FAM89A: variants seen among roughly 807,000 people sequenced by gnomAD.
FAM89A encodes family with sequence similarity 89 member A, also known as protein FAM89A.
FAM89A carries 10 observed loss-of-function variants against 7.1 expected under a neutral mutation model. The ratio of observed to expected loss-of-function variants is 1.40; its 90% confidence interval spans 0.86 to 2.38. FAM89A has a LOEUF of 2.38. Ranked by LOEUF, FAM89A falls within the 30% of genes most tolerant of loss-of-function variation. The probability of loss-of-function intolerance (pLI) is 0.00; values close to 1 mark genes in which losing one functional copy is unlikely to be tolerated. For synonymous variants in FAM89A, 157 were observed against 129.3 expected, an observed-to-expected ratio of 1.21 and a Z score of -1.45; for missense variants, 276 against 262.8, an observed-to-expected ratio of 1.05 and a Z score of -0.35.
chr1:231,029,435 T>C (rs953121328), intron 1 of FAM89A, among the ~76,000 whole-genome samples: 5 of 151,692 alleles, frequency 3.3e-5, no homozygotes, highest in African/African-American at 7.3e-5. Context: ...GAGGCTGCAG[T>C]GCGCTGTGAT....
intron 1 of FAM89A, among the ~76,000 whole-genome samples, chr1:231,031,257 G>A (rs1680063739): frequency 6.6e-6 from 1 of 152,124 alleles, no homozygotes; most frequent in Non-Finnish European, 1.5e-5. Context: ...AGAAAATCTG[G>A]CCTCATACAG....
intron 1 of FAM89A, among the ~76,000 whole-genome samples, chr1:231,029,995 G>C (rs2103074098): frequency 6.6e-6 from 1 of 152,338 alleles, no homozygotes; most frequent in East Asian, 1.9e-4. Context: ...AAGCCGAAGA[G>C]AGACTTCATC....
At chr1:231,027,103 G>A (rs1679988337) in intron 1 of FAM89A, among the ~76,000 whole-genome samples, 1 of 152,146 alleles carries the variant, frequency 6.6e-6, no homozygotes, top group African/African-American at 2.4e-5. Context: ...GGTAAACACA[G>A]GAGCCTGAAC....
At chr1:231,036,083 G>A (rs1253261521) in intron 1 of FAM89A, among the ~76,000 whole-genome samples, 1 of 152,212 alleles carries the variant, frequency 6.6e-6, no homozygotes, top group Non-Finnish European at 1.5e-5. Context: ...CAGAGGAGGA[G>A]GGGAAGAGAA....
chr1:231,036,308 C>T (rs1025000934), intron 1 of FAM89A, among the ~76,000 whole-genome samples: 4 of 152,152 alleles, frequency 2.6e-5, no homozygotes, highest in African/African-American at 9.7e-5. Flanking sequence ...TGATAAGCCC[C>T]TTAACATCTA....
Position 231,040,202 on chromosome 1 carries a change from C to A in FAM89A, c.10G>T (p.Ala4Ser), listed in dbSNP as rs940779647. The change falls in exon 1 of 2, where the codon GCC becomes TCC. Residue 4 changes from alanine (A) to serine (S), a missense_variant. Coordinates refer to ENST00000366654, the MANE Select transcript of FAM89A (RefSeq NM_198552.3). MSG[A>S]RAAPGAAGNG... ...CCCGCGGCCCCGGGCGCCGCCCGGG[C>A]CCCACTCATCGCGCCGCGGCCCGGC... 1 of 1,085,666 alleles carries A rather than the reference C, an allele frequency of 9.2e-7. No individual in the cohort carries two copies. Among genetic ancestry groups the A allele is most frequent in the Non-Finnish European group, 1.1e-6 (1 of 897,076 alleles). 67.3% of individuals were successfully genotyped at this position (1,085,666 alleles called of 1,614,324 possible).
chr1:231,021,862 C>G (rs1679884959), intron 1 of FAM89A: 1 of 1,591,168 alleles, frequency 6.3e-7, no homozygotes, highest in South Asian at 1.1e-5. Context: ...GGAGGCTGCC[C>G]CAGGACCATG....
intron 1 of FAM89A, 89 bp downstream of exon 1, chr1:231,039,832 G>A (rs1211185368): frequency 5.4e-5 from 65 of 1,202,230 alleles, no homozygotes; most frequent in Middle Eastern, 6.4e-4. Context: ...GTGGGCGCGG[G>A]GACTTCCGGA....
intron 1 of FAM89A, chr1:231,021,589 A>G (rs981182293): frequency 2.4e-5 from 33 of 1,369,922 alleles, no homozygotes; most frequent in Non-Finnish European, 3.4e-5. Flanking sequence ...CTGTTAGGAA[A>G]CGAAAGGCAC....
At chr1:231,026,349 A>G (rs1679969834) in intron 1 of FAM89A, 1 of 152,472 alleles carries the variant, frequency 6.6e-6, no homozygotes, top group East Asian at 1.9e-4. Context: ...CTGCCTCATG[A>G]GGAAGGGAAA....
At chr1:231,034,350 C>A (rs1680123815) in intron 1 of FAM89A, among the ~76,000 whole-genome samples, 1 of 152,146 alleles carries the variant, frequency 6.6e-6, no homozygotes, top group African/African-American at 2.4e-5. Context: ...TCTCATTTTC[C>A]CAATAAGAGA....
chr1:231,040,250 G>T lies in FAM89A; in HGVS notation c.-39C>A, dbSNP rs1305855312. 9.8e-7 allele frequency: 1 copy of T among 1,024,798 alleles called. No homozygotes were observed. Among genetic ancestry groups the T allele is most frequent in the South Asian group, 4.5e-5 (1 of 22,388 alleles). 63.5% of individuals were successfully genotyped at this position (1,024,798 alleles called of 1,614,324 possible). On this transcript the variant is annotated 5_prime_UTR_variant, in exon 1 of 2. Transcript: ENST00000366654. Reference sequence around the variant, plus strand: ...GGCCACGCGCCTGCCCCGCTGCAGCGAACCAAGGCTTTCCCCCGGCCCGCC... The same window carrying T: ...GGCCACGCGCCTGCCCCGCTGCAGCTAACCAAGGCTTTCCCCCGGCCCGCC...
At position 231,040,006 on chromosome 1, in the gene FAM89A, G is replaced by A. The variant is rs1314517064; in HGVS notation, c.206C>T (p.Pro69Leu). 5.7e-6 allele frequency: 8 copies of A among 1,409,172 alleles called. No individual in the cohort carries two copies. Among genetic ancestry groups the A allele is most frequent in the East Asian group, 3.1e-5 (1 of 32,362 alleles). 87.3% of individuals were successfully genotyped at this position (1,409,172 alleles called of 1,614,324 possible). Residue 69 changes from proline (P) to leucine (L), a missense_variant, in exon 1 of 2, where the codon CCG becomes CTG. By Grantham distance (98) the Pro-to-Leu change is moderately conservative. Coordinates refer to ENST00000366654, the MANE Select transcript of FAM89A (RefSeq NM_198552.3). ...RIQDELSRGG[P>L]GGGGARAAAL... ...TGCCGCCCGGGCCCCGCCGCCGCCC[G>A]GGCCCCCGCGGCTCAGCTCGTCCTG...
chr1:231,021,938 AC>A, intron 1 of FAM89A: 1 of 1,453,792 alleles, frequency 6.9e-7, no homozygotes, highest in Non-Finnish European at 9.7e-7. Flanking sequence ...GTATGTGACT[AC>A]CCACACTTCC....
intron 1 of FAM89A, among the ~76,000 whole-genome samples, chr1:231,025,362 A>G (rs541856891): frequency 5.9e-5 from 9 of 152,172 alleles, no homozygotes; most frequent in Non-Finnish European, 1.3e-4. Context: ...CAGCCTATAA[A>G]ATGGGGGATT....
In FAM89A at chr1:231,040,128, T is replaced by G; in HGVS notation, c.84A>C (p.Pro28=). 1 of 1,376,802 alleles carries G rather than the reference T, an allele frequency of 7.3e-7. No individual in the cohort carries two copies. Among genetic ancestry groups the G allele is most frequent in the Non-Finnish European group, 9.4e-7 (1 of 1,059,848 alleles). The allele number at this position is 1,376,802 out of a possible 1,614,324, so 85.3% of individuals were successfully genotyped here. ...GLRVDGLPPL[P]KSLSGLLHSA... ...AGTGCAGCAGCCCGCTCAAGCTCTT[T>G]GGCAGCGGGGGCAGCCCGTCCACCC... Residue 28 remains proline (P), a synonymous_variant, in exon 1 of 2, where the codon CCA becomes CCC. Transcript: ENST00000366654.
At chr1:231,037,805 C>T (rs1457965011) in intron 1 of FAM89A, among the ~76,000 whole-genome samples, 1 of 152,100 alleles carries the variant, frequency 6.6e-6, no homozygotes, top group Non-Finnish European at 1.5e-5. Context: ...TGAGGTCTTC[C>T]ACACCACCCT....
chr1:231,024,914 CTTTTT>C (rs60500715), intron 1 of FAM89A, among the ~76,000 whole-genome samples: 14 of 63,406 alleles, frequency 2.2e-4, no homozygotes, highest in African/African-American at 6.3e-4. Context: ...CACAACTACT[CTTTTT>C]TTTTTTTTTT....
At chr1:231,020,329 G>C (rs539684695) in intron 1 of FAM89A, among the ~76,000 whole-genome samples, 17 of 152,252 alleles carry the variant, frequency 1.1e-4, no homozygotes, top group Middle Eastern at 3.4e-3. Flanking sequence ...GTTACTCATT[G>C]AGTCCAGTGA....
Sources: allele counts gnomAD v4.1 joint callset (sites outside exome capture counted in the v4.1 genomes callset), GRCh38; gene constraint gnomAD v4.1.1; transcripts MANE v1.5; gene names NCBI Gene and HGNC (gene_info 2026-07-23, HGNC 2026-07-21).